The following GAB1 variants were observed in gnomAD, a reference collection of about 807,000 sequenced individuals.
The protein encoded by GAB1 is GRB2 associated binding protein 1.
GAB1 carries 19 observed loss-of-function variants against 66.5 expected under a neutral mutation model. The ratio of observed to expected loss-of-function variants is 0.29; its 90% CI spans 0.20 to 0.42. GAB1 has a LOEUF of 0.42. Ranked by LOEUF, GAB1 falls within the 10% of genes least tolerant of loss-of-function variation. The pLI is 1.00. For missense variants in GAB1, 732 were observed against 858.5 expected (o/e 0.85, Z 1.84); for synonymous variants, 294 against 301.4 (o/e 0.98, Z 0.25).
At chr4:143,448,100 T>A (rs1229123348) in intron 6 of GAB1, among the ~76,000 whole-genome samples, 2 of 151,960 alleles carry the variant, frequency 1.3e-5, no homozygotes, top group African/African-American at 4.9e-5. Flanking sequence ...ATTTATTGAT[T>A]TGCATATATT....
At chr4:143,353,002 C>T (rs972753841) in intron 1 of GAB1, among the ~76,000 whole-genome samples, 19 of 152,150 alleles carry the variant, frequency 1.2e-4, no homozygotes, top group Middle Eastern at 3.4e-3. Flanking sequence ...TAACTGTCGC[C>T]AAGAAACTCA....
chr4:143,338,143 C>T (rs925679867), intron 1 of GAB1, among the ~76,000 whole-genome samples: 4 of 152,140 alleles, frequency 2.6e-5, no homozygotes, highest in Non-Finnish European at 4.4e-5. Context: ...AAAGTATCAA[C>T]CTTGCTTTAG....
At chr4:143,361,914 G>GTT (rs563481843) in intron 1 of GAB1, among the ~76,000 whole-genome samples, 20 of 110,170 alleles carry the variant, frequency 1.8e-4, no homozygotes, top group Non-Finnish European at 3.4e-4. Flanking sequence ...TGTTGTGTGT[G>GTT]GTTTTTTTTT....
intron 1 of GAB1, among the ~76,000 whole-genome samples, chr4:143,367,884 C>T (rs536671522): frequency 1.3e-5 from 2 of 152,074 alleles, no homozygotes; most frequent in East Asian, 1.9e-4. Context: ...ACCACCATGC[C>T]TGGCTAATTT....
At chr4:143,342,046 T>C (rs1198234000) in intron 1 of GAB1, among the ~76,000 whole-genome samples, 1 of 152,240 alleles carries the variant, frequency 6.6e-6, no homozygotes, top group Admixed American at 6.5e-5. Context: ...AGACTCCCAA[T>C]GTTTTTACCT....
At chr4:143,344,976 T>C (rs1227687798) in intron 1 of GAB1, among the ~76,000 whole-genome samples, 1 of 152,244 alleles carries the variant, frequency 6.6e-6, no homozygotes, top group Non-Finnish European at 1.5e-5. Context: ...ACATTAGCTC[T>C]TGAAGCATTC....
intron 2 of GAB1, among the ~76,000 whole-genome samples, chr4:143,418,214 T>TG (rs1266089408): frequency 2.6e-5 from 4 of 152,228 alleles, no homozygotes; most frequent in Non-Finnish European, 4.4e-5. Flanking sequence ...AGAGCTCTAG[T>TG]GATTAAAAAC....
chr4:143,353,687 A>G (rs551888948), intron 1 of GAB1, among the ~76,000 whole-genome samples: 2 of 149,530 alleles, frequency 1.3e-5, no homozygotes, highest in African/African-American at 5.0e-5. Context: ...AAAAAAAAAG[A>G]GAGAGAGAAT....
At chr4:143,426,083 G>T (rs1349637294) in intron 2 of GAB1, 2 of 546,770 alleles carry the variant, frequency 3.7e-6, no homozygotes. Flanking sequence ...ACATTACATG[G>T]AGTATAGTAA....
At chr4:143,441,408 G>C (rs901009972) in intron 6 of GAB1, among the ~76,000 whole-genome samples, 1 of 152,156 alleles carries the variant, frequency 6.6e-6, no homozygotes, top group South Asian at 2.1e-4. Flanking sequence ...CATAATGTTG[G>C]CATCAATTTC....
intron 2 of GAB1, among the ~76,000 whole-genome samples, chr4:143,422,707 A>G (rs2149728702): frequency 6.6e-6 from 1 of 152,304 alleles, no homozygotes; most frequent in Non-Finnish European, 1.5e-5. Flanking sequence ...CCAGTTTATT[A>G]TTTGTGGATT....
chr4:143,366,824 A>G (rs1330648404), intron 1 of GAB1, among the ~76,000 whole-genome samples: 3 of 151,942 alleles, frequency 2.0e-5, no homozygotes, highest in Non-Finnish European at 2.9e-5. Context: ...TTTCAATTCA[A>G]TTTTTGAATT....
At chr4:143,382,192 CTTCATTGTTAT>C (rs2149677139) in intron 1 of GAB1, among the ~76,000 whole-genome samples, 1 of 152,224 alleles carries the variant, frequency 6.6e-6, no homozygotes, top group Non-Finnish European at 1.5e-5. Context: ...TATGCACTTT[CTTCATTGTTAT>C]TTCATTGTTG....
chr4:143,415,350 C>T (rs1578679735), intron 1 of GAB1, 127 bp from the exon 2 acceptor site: 1 of 737,334 alleles, frequency 1.4e-6, no homozygotes, highest in East Asian at 2.7e-5. Context: ...AAAACACACA[C>T]ACAAACACAC....
chr4:143,422,782 T>C (rs1358467316), intron 2 of GAB1, among the ~76,000 whole-genome samples: 1 of 152,258 alleles, frequency 6.6e-6, no homozygotes. Flanking sequence ...CTAGCAGTAC[T>C]TAATAGCTTC....
At chr4:143,364,883 T>TTTTG in intron 1 of GAB1, among the ~76,000 whole-genome samples, 1 of 141,724 alleles carries the variant, frequency 7.1e-6, no homozygotes, top group African/African-American at 2.7e-5. Context: ...TTTTTTTTTT[T>TTTTG]TTTTTTTTTT....
intron 1 of GAB1, among the ~76,000 whole-genome samples, chr4:143,392,157 A>G (rs575493645): frequency 2.0e-4 from 31 of 152,340 alleles, no homozygotes; most frequent in African/African-American, 5.8e-4. Context: ...CCTAACTACC[A>G]AAAATAGCTG....
intron 1 of GAB1, among the ~76,000 whole-genome samples, chr4:143,379,707 C>T (rs1215812530): frequency 6.6e-6 from 1 of 151,974 alleles, no homozygotes; most frequent in Non-Finnish European, 1.5e-5. Flanking sequence ...CCACCTCAGT[C>T]TCCTGAGTAG....
intron 1 of GAB1, among the ~76,000 whole-genome samples, chr4:143,364,649 C>T (rs1002621464): frequency 1.3e-5 from 2 of 152,054 alleles, no homozygotes; most frequent in African/African-American, 4.8e-5. Flanking sequence ...TCATCCTATG[C>T]GTGCTCATCA....
Sources: allele counts gnomAD v4.1 joint callset (sites outside exome capture counted in the v4.1 genomes callset), GRCh38; gene constraint gnomAD v4.1.1; transcripts MANE v1.5; gene names NCBI Gene and HGNC (gene_info 2026-07-23, HGNC 2026-07-21).